Variants in ZNF608 observed in about 807,000 individuals in gnomAD.
ZNF608 encodes renal carcinoma antigen NY-REN-36.
In ZNF608, 12 loss-of-function variants were observed where a neutral mutation model predicts 109.0. The observed-to-expected ratio is 0.11, with a 90% confidence interval of 0.07 to 0.18. The LOEUF (loss-of-function observed/expected upper bound fraction) is 0.18. Among genes scored for constraint, ZNF608 ranks in the 10% least tolerant of loss-of-function variants. The pLI, the probability that ZNF608 is intolerant of heterozygous loss-of-function variation, is 1.00. For synonymous variants in ZNF608, 732 were observed against 717.4 expected (o/e 1.02, Z -0.33); for missense variants, 1,707 against 1,879.3 (o/e 0.91, Z 1.70).
chr5:124,665,776 C>G (rs1424195559), intron 3 of ZNF608, among the ~76,000 whole-genome samples: 1 of 152,198 alleles, frequency 6.6e-6, no homozygotes. Flanking sequence ...CCATAACATG[C>G]CCAGCCATGG....
intron 2 of ZNF608, among the ~76,000 whole-genome samples, chr5:124,725,977 C>G (rs1354335291): frequency 1.3e-5 from 2 of 152,144 alleles, no homozygotes; most frequent in African/African-American, 4.8e-5. Context: ...TTTTTCTCAC[C>G]TCCCACAAAA....
At chr5:124,653,485 ACT>A (rs1414991059) in intron 3 of ZNF608, among the ~76,000 whole-genome samples, 9 of 152,144 alleles carry the variant, frequency 5.9e-5, no homozygotes, top group Admixed American at 5.9e-4. Flanking sequence ...CTCCATCCAA[ACT>A]CTGTACTTCA....
At chr5:124,639,065 T>TAC (rs1750114207) in intron 9 of ZNF608, 68 bp downstream of exon 9, 1 of 1,483,426 alleles carries the variant, frequency 6.7e-7, no homozygotes, top group Admixed American at 1.8e-5. Flanking sequence ...AAAAATCCTG[T>TAC]ACTTGCTTCC....
At chr5:124,670,322 C>A (rs1194847325) in intron 3 of ZNF608, among the ~76,000 whole-genome samples, 2 of 151,034 alleles carry the variant, frequency 1.3e-5, no homozygotes, top group Non-Finnish European at 2.9e-5. Context: ...GTGCAGCTAT[C>A]CTTTTTCTTT....
intron 4 of ZNF608, 40 bp downstream of exon 4, chr5:124,649,570 G>C (rs750436172): frequency 1.3e-6 from 2 of 1,491,524 alleles, no homozygotes. Flanking sequence ...CCTGCAAAGA[G>C]AGGATGGGGA....
chr5:124,674,914 T>C (rs1751876115), intron 3 of ZNF608, among the ~76,000 whole-genome samples: 3 of 152,148 alleles, frequency 2.0e-5, no homozygotes. Flanking sequence ...CACCCAGCCC[T>C]AAAATGACTT....
intron 2 of ZNF608, among the ~76,000 whole-genome samples, chr5:124,715,647 A>G (rs1753660084): frequency 6.6e-6 from 1 of 152,242 alleles, no homozygotes; most frequent in Admixed American, 6.5e-5. Flanking sequence ...TACACACTTC[A>G]TAAAGCTCAT....
intron 3 of ZNF608, among the ~76,000 whole-genome samples, chr5:124,690,954 C>CACACACAA (rs10666145): frequency 0.12 from 18,102 of 150,736 alleles, 1,221 homozygotes; most frequent in Non-Finnish European, 0.16. Flanking sequence ...CACACACACA[C>CACACACAA]ATAATGGAAA....
rs1367620377 is a variant in ZNF608, at chr5:124,726,903, CA to C, written c.906+17180del. On this transcript the variant is annotated intron_variant, in intron 2 of 9. Coordinates refer to ENST00000513986, the MANE Select transcript of ZNF608 (RefSeq NM_020747.3). Reference sequence around the variant, plus strand: ...AAACAGACTAGGAAGCATCTCCAGACAAAAAAAAAGTGCAAACATCCAACCA... The same window carrying C: ...AAACAGACTAGGAAGCATCTCCAGACAAAAAAAAGTGCAAACATCCAACCA... Among the ~76,000 whole-genome samples, 5 of 151,388 alleles carry C rather than the reference CA, an allele frequency of 3.3e-5. No homozygotes were observed. The South Asian group carries it at 6.3e-4, about 19-fold the overall frequency.
chr5:124,713,020 G>C (rs973630398), intron 2 of ZNF608, among the ~76,000 whole-genome samples: 1 of 152,006 alleles, frequency 6.6e-6, no homozygotes, highest in Non-Finnish European at 1.5e-5. Flanking sequence ...AAAAGTAATG[G>C]GGATCCTAAA....
At chr5:124,684,621 G>A (rs1223655642) in intron 3 of ZNF608, among the ~76,000 whole-genome samples, 5 of 152,280 alleles carry the variant, frequency 3.3e-5, no homozygotes, top group East Asian at 3.9e-4. Flanking sequence ...AAAGAACTTC[G>A]TTAGGTCATC....
Position 124,701,146 on chromosome 5 carries a change from A to G in ZNF608, c.1030T>C (p.Leu344=). The change falls in exon 3 of 10, where the codon TTG becomes CTG. Residue 344 remains leucine (L), a synonymous_variant. Transcript: ENST00000513986. ...SNIAAPVEQL[L]VRTRSVGVNT... ...ACACCCACAGAACGAGTCCGAACCA[A>G]AAGCTGTTCAACCGGTGCTGCAATA... 1.9e-6 allele frequency: 3 copies of G among 1,614,144 alleles called. No individual in the cohort carries two copies. Among genetic ancestry groups the G allele is most frequent in the Non-Finnish European group, 2.5e-6 (3 of 1,180,012 alleles).
intron 3 of ZNF608, among the ~76,000 whole-genome samples, chr5:124,668,121 G>A (rs965243762): frequency 1.1e-4 from 16 of 151,108 alleles, no homozygotes; most frequent in African/African-American, 3.9e-4. Flanking sequence ...GGAGGCCGAG[G>A]CAGGAGGATT....
intron 3 of ZNF608, among the ~76,000 whole-genome samples, chr5:124,656,982 A>C (rs1751040681): frequency 6.6e-6 from 1 of 152,150 alleles, no homozygotes; most frequent in African/African-American, 2.4e-5. Flanking sequence ...GATTTGGGAA[A>C]ATCATTGAGC....
intron 3 of ZNF608, among the ~76,000 whole-genome samples, chr5:124,656,808 AC>A (rs2149798543): frequency 3.1e-5 from 2 of 63,528 alleles, no homozygotes; most frequent in East Asian, 1.7e-3. Flanking sequence ...AAACACACAC[AC>A]ACACACACAC....
chr5:124,656,279 A>G (rs775784888), intron 3 of ZNF608, among the ~76,000 whole-genome samples: 67 of 152,162 alleles, frequency 4.4e-4, no homozygotes, highest in Non-Finnish European at 9.4e-4. Flanking sequence ...CCAGAGACAC[A>G]CTGCTCTGGT....
chr5:124,727,177 C>T (rs1748645445), intron 2 of ZNF608, among the ~76,000 whole-genome samples: 1 of 152,230 alleles, frequency 6.6e-6, no homozygotes, highest in Admixed American at 6.5e-5. Context: ...TTCTTCTCCA[C>T]TGTGTTCTAA....
At chr5:124,676,740 T>G (rs1188782396) in intron 3 of ZNF608, among the ~76,000 whole-genome samples, 1 of 152,194 alleles carries the variant, frequency 6.6e-6, no homozygotes, top group East Asian at 1.9e-4. Context: ...AACAACATGA[T>G]GCAGCATTAA....
At chr5:124,662,190 T>A (rs1751291807) in intron 3 of ZNF608, among the ~76,000 whole-genome samples, 1 of 152,254 alleles carries the variant, frequency 6.6e-6, no homozygotes, top group Non-Finnish European at 1.5e-5. Context: ...AATTGACGTT[T>A]GTCTTAAGTA....
Sources: gnomAD v4.1 joint callset for allele counts (sites outside exome capture counted in the v4.1 genomes callset) on GRCh38, gnomAD v4.1.1 for gene constraint, MANE v1.5 for transcripts, NCBI Gene and HGNC (gene_info 2026-07-23, HGNC 2026-07-21) for gene names.